PUS1: variants seen among roughly 807,000 people sequenced by gnomAD.
The protein encoded by PUS1 is pseudouridylate synthase 1 homolog.
A neutral mutation model predicts 38.5 loss-of-function variants in PUS1; 25 were observed. That is an observed-to-expected ratio of 0.65 (90% CI 0.47 to 0.91). PUS1 has a LOEUF of 0.91. Ranked by LOEUF, PUS1 falls within the 40% of genes least tolerant of loss-of-function variation. The probability of loss-of-function intolerance (pLI) is 0.00; values close to 1 mark genes in which losing one functional copy is unlikely to be tolerated. For missense variants in PUS1, 597 were observed against 612.3 expected (o/e 0.97, Z 0.26); for synonymous variants, 282 against 260.4 (o/e 1.08, Z -0.80).
intron 3 of PUS1, among the ~76,000 whole-genome samples, chr12:131,938,058 A>G (rs956438145): frequency 6.6e-6 from 1 of 152,102 alleles, no homozygotes; most frequent in Admixed American, 6.6e-5. Context: ...TTGATGTGGC[A>G]TGCCTTTTAT....
chr12:131,943,442 A>C (rs1480491202), intron 5 of PUS1, 97 bp from the exon 6 acceptor site: 1 of 973,144 alleles, frequency 1.0e-6, no homozygotes, highest in South Asian at 1.3e-5. Context: ...GGTGGGGGCA[A>C]GGCTCCTGTG....
At chr12:131,943,482 C>T in intron 5 of PUS1, 57 bp from the exon 6 acceptor site, 3 of 1,452,876 alleles carry the variant, frequency 2.1e-6, no homozygotes, top group Non-Finnish European at 2.9e-6. Flanking sequence ...CTGTGGGCAT[C>T]CAGGAGCAGT....
chr12:131,935,125 A>G (rs995132167), intron 3 of PUS1, among the ~76,000 whole-genome samples: 1 of 148,304 alleles, frequency 6.7e-6, no homozygotes, highest in African/African-American at 2.5e-5. Context: ...AGTGGGTGAG[A>G]ACACAAAGAG....
intron 5 of PUS1, among the ~76,000 whole-genome samples, chr12:131,942,303 A>G (rs1891112400): frequency 6.6e-6 from 1 of 152,230 alleles, no homozygotes; most frequent in Non-Finnish European, 1.5e-5. Context: ...ACCGGAACAT[A>G]CAGGATTGTA....
In PUS1 at chr12:131,941,839, G is replaced by C. The variant is rs1891088947; in HGVS notation, c.1092G>C (p.Lys364Asn). The change falls in exon 5 of 6, where the codon AAG becomes AAC. Residue 364 changes from lysine to asparagine, a missense_variant. Lys to Asn is a moderately conservative substitution (Grantham distance 94, BLOSUM62 0). Coordinates refer to ENST00000376649, the MANE Select transcript of PUS1 (RefSeq NM_025215.6). This position sits in a 1 kb window ranked among gnomAD's most constrained non-coding sequence, Gnocchi z 4.4. ...EPLDWAQEEG[K>N]VAAFKEEHIY... Reference sequence around the variant, plus strand: ...TGGACTGGGCGCAGGAGGAAGGAAAGGTCGCAGCCTTCAAGGAGGAGCACA... The same window carrying C: ...TGGACTGGGCGCAGGAGGAAGGAAACGTCGCAGCCTTCAAGGAGGAGCACA... 1.2e-6 allele frequency: 2 copies of C among 1,613,934 alleles called. No individual in the cohort carries two copies. The highest frequency in any genetic ancestry group is 1.7e-6 in the Non-Finnish European group (2 of 1,180,038).
intron 3 of PUS1, among the ~76,000 whole-genome samples, chr12:131,935,876 C>A (rs1482198849): frequency 1.3e-5 from 2 of 152,050 alleles, no homozygotes; most frequent in Non-Finnish European, 2.9e-5. Flanking sequence ...GTTTAACATT[C>A]TGTTTTTGTT....
intron 3 of PUS1, among the ~76,000 whole-genome samples, chr12:131,935,793 A>G (rs1890798763): frequency 6.6e-6 from 1 of 152,014 alleles, no homozygotes. Context: ...TCGGCCTCCC[A>G]AAGTGCTGGG....
In PUS1 at chr12:131,930,054, C is replaced by G. The variant is rs779372885; in HGVS notation, c.222C>G (p.Asp74Glu). ...HPAKKLKSGG[D>E]EERREKPPKR... ...CGAAGAAGCTCAAGAGCGGTGGCGA[C>G]GAGGAGCGGCGCGAGAAGCCGCCCA... The change falls in exon 2 of 6, where the codon GAC (aspartate) becomes GAG (glutamate). Residue 74 changes from aspartate to glutamate, a missense_variant. By Grantham distance (45) the Asp-to-Glu change is conservative (BLOSUM62 2). Transcript: ENST00000376649. 2.8e-6 allele frequency: 4 copies of G among 1,440,192 alleles called. No homozygotes were observed. The highest frequency in any genetic ancestry group is 3.1e-5 in the South Asian group (2 of 64,414). The allele number at this position is 1,440,192 out of a possible 1,614,324, so 89.2% of individuals were successfully genotyped here.
At chr12:131,936,391 C>T (rs1890834506) in intron 3 of PUS1, among the ~76,000 whole-genome samples, 1 of 150,182 alleles carries the variant, frequency 6.7e-6, no homozygotes, top group African/African-American at 2.5e-5. Flanking sequence ...GGCGAAACCC[C>T]GTCTCTACTA....
chr12:131,939,095 G>A (rs974941976), intron 3 of PUS1, 78 bp from the exon 4 acceptor site: 15 of 907,892 alleles, frequency 1.7e-5, no homozygotes, highest in South Asian at 9.8e-5. Flanking sequence ...TAAGGTCCGC[G>A]TAGTCCTTCT....
intron 3 of PUS1, among the ~76,000 whole-genome samples, chr12:131,936,342 C>A (rs535315253): frequency 6.6e-6 from 1 of 152,186 alleles, no homozygotes; most frequent in African/African-American, 2.4e-5. Context: ...GTGGGCGGAT[C>A]ACCTGAGGTC....
chr12:131,932,808 T>A (rs1206680733), intron 3 of PUS1: 1 of 453,340 alleles, frequency 2.2e-6, no homozygotes, highest in African/African-American at 2.0e-5. Context: ...GCTCAAGCAA[T>A]CCTCCTGCCT....
chr12:131,932,810 C>T (rs1276031210), intron 3 of PUS1: 1 of 453,898 alleles, frequency 2.2e-6, no homozygotes, highest in South Asian at 1.6e-5. Context: ...TCAAGCAATC[C>T]TCCTGCCTCA....
In PUS1 at chr12:131,929,477, G is replaced by C; in HGVS notation, c.-246G>C. The C allele has an allele frequency of 2.2e-6, 1 of 445,138 alleles. No individual in the cohort carries two copies. The highest frequency in any genetic ancestry group is 4.0e-6 in the Non-Finnish European group (1 of 252,514). The allele number at this position is 445,138 out of a possible 1,614,324, so 27.6% of individuals were successfully genotyped here. On this transcript the variant is annotated 5_prime_UTR_variant, in exon 1 of 6. Coordinates refer to ENST00000376649, the MANE Select transcript of PUS1 (RefSeq NM_025215.6). ...GGGGCGGTCTGGGGGCAGTAGAGAC[G>C]GGGCTTGGGCGCGGGGCCTGAGAGG... is the stretch of plus-strand genomic sequence containing the variant.
chr12:131,929,717 C>G lies in PUS1; in HGVS notation c.-6C>G, dbSNP rs1448490528. The G allele has an allele frequency of 3.2e-6, 5 of 1,585,406 alleles. No homozygotes were observed. Among genetic ancestry groups the G allele is most frequent in the Non-Finnish European group, 4.3e-6 (5 of 1,173,102 alleles). ...GGGCGGGGTCGGGTGCACTGGTAGC[C>G]TGCGCATGGGCCTCCAGCTTCGCGC... is the stretch of plus-strand genomic sequence containing the variant. On this transcript the variant is annotated 5_prime_UTR_variant, in exon 1 of 6. Transcript: ENST00000376649.
Position 131,943,932 on chromosome 12 carries a change from C to A in PUS1, c.*346C>A. 1 of 338,236 alleles carries A rather than the reference C, an allele frequency of 3.0e-6. No individual in the cohort carries two copies. The highest frequency in any genetic ancestry group is 7.5e-5 in the East Asian group (1 of 13,310). 21.0% of individuals were successfully genotyped at this position (338,236 alleles called of 1,614,324 possible). On this transcript the variant is annotated 3_prime_UTR_variant, in exon 6 of 6. Transcript: ENST00000376649. ...ACAGAGATGAGCACAGCATGGTGTC[C>A]CGTTGAGAACAGATACGGCTGAACA...
At chr12:131,932,480 A>G (rs1890649427) in intron 3 of PUS1, 168 bp downstream of exon 3, 1 of 732,572 alleles carries the variant, frequency 1.4e-6, no homozygotes, top group East Asian at 2.7e-5. Context: ...TGGTCGGCTC[A>G]GGTATAGCTG....
chr12:131,943,363 C>T (rs1410966132), intron 5 of PUS1, among the ~76,000 whole-genome samples, 176 bp from the exon 6 acceptor site: 2 of 152,356 alleles, frequency 1.3e-5, no homozygotes, highest in Admixed American at 6.5e-5. Context: ...GCTTTCCCTG[C>T]ACAGGTTCCT....
Position 131,944,335 on chromosome 12 carries a change from G to A in PUS1, c.*749G>A, listed in dbSNP as rs1201398652. The A allele has an allele frequency of 1.3e-5, 2 of 152,240 alleles. No individual in the cohort carries two copies. The highest frequency in any genetic ancestry group is 2.1e-4 in the South Asian group (1 of 4,818). The allele number at this position is 152,240 out of a possible 1,614,324, so 9.4% of individuals were successfully genotyped here. Reference sequence around the variant, plus strand: ...TTGAGACCAGCCTGACCAGCATGGAGAAACCCCGTCTCTACTAAAAATACA... The same window carrying A: ...TTGAGACCAGCCTGACCAGCATGGAAAAACCCCGTCTCTACTAAAAATACA... On this transcript the variant is annotated 3_prime_UTR_variant, in exon 6 of 6. Coordinates refer to ENST00000376649, the MANE Select transcript of PUS1 (RefSeq NM_025215.6).
Sources: gnomAD v4.1 joint callset for allele counts (sites outside exome capture counted in the v4.1 genomes callset) on GRCh38, gnomAD v4.1.1 for gene constraint, Gnocchi (gnomAD v3.1) non-coding constraint, MANE v1.5 for transcripts, NCBI Gene and HGNC (gene_info 2026-07-23, HGNC 2026-07-21) for gene names.